Variants in EMCN observed in about 807,000 individuals in gnomAD.
EMCN encodes MUC-14.
A neutral mutation model predicts 38.4 loss-of-function variants in EMCN; 37 were observed. The observed-to-expected ratio is 0.96, with a 90% CI of 0.74 to 1.27. EMCN has a LOEUF of 1.27. Among genes scored for constraint, EMCN ranks in the 50% most tolerant of loss-of-function variants. EMCN has a pLI of 0.00. For synonymous variants in EMCN, 95 were observed against 100.8 expected (o/e 0.94, Z 0.35); for missense variants, 318 against 302.8 (o/e 1.05, Z -0.37).
At chr4:100,458,142 A>AT (rs1233751464) in intron 4 of EMCN, among the ~76,000 whole-genome samples, 2 of 151,666 alleles carry the variant, frequency 1.3e-5, no homozygotes, top group Non-Finnish European at 2.9e-5. Flanking sequence ...CCTTCTCTTT[A>AT]TTTTTTTATA....
intron 4 of EMCN, among the ~76,000 whole-genome samples, chr4:100,464,116 A>C (rs1038721401): frequency 3.2e-4 from 49 of 151,928 alleles, no homozygotes; most frequent in African/African-American, 1.1e-3. Flanking sequence ...TAAATCTTGC[A>C]CTTCTATTGT....
chr4:100,428,779 A>G (rs1727121504), intron 5 of EMCN, among the ~76,000 whole-genome samples: 1 of 152,200 alleles, frequency 6.6e-6, no homozygotes, highest in Non-Finnish European at 1.5e-5. Context: ...CAACAAAAAT[A>G]GAGACCTACT....
chr4:100,480,547 T>TATATAC, intron 1 of EMCN, among the ~76,000 whole-genome samples: 1 of 150,110 alleles, frequency 6.7e-6, no homozygotes, highest in South Asian at 2.1e-4. Flanking sequence ...AGAGTATACA[T>TATATAC]ATATACATAT....
chr4:100,488,377 C>G (rs767131140), intron 1 of EMCN, among the ~76,000 whole-genome samples: 57 of 152,164 alleles, frequency 3.7e-4, no homozygotes, highest in Non-Finnish European at 7.2e-4. Context: ...ACAAAGATAA[C>G]TACATTCATT....
intron 7 of EMCN, among the ~76,000 whole-genome samples, 161 bp downstream of exon 7, chr4:100,422,860 A>T (rs1276636752): frequency 2.7e-5 from 4 of 146,540 alleles, no homozygotes; most frequent in Non-Finnish European, 6.0e-5. Flanking sequence ...CACTTGTGGG[A>T]AATTTTCAGA....
chr4:100,517,812 T>C, intron 1 of EMCN, 39 bp downstream of exon 1: 1 of 1,600,202 alleles, frequency 6.2e-7, no homozygotes, highest in Non-Finnish European at 8.6e-7. Flanking sequence ...ACTAGTGATT[T>C]CCAATCCGTA....
intron 1 of EMCN, among the ~76,000 whole-genome samples, chr4:100,513,008 T>C (rs1443105460): frequency 1.3e-5 from 2 of 152,128 alleles, no homozygotes; most frequent in Admixed American, 6.6e-5. Context: ...AAGGAAAGGA[T>C]GGGCAGTTGT....
chr4:100,474,504 C>T (rs141769717), intron 3 of EMCN, among the ~76,000 whole-genome samples: 290 of 152,240 alleles, frequency 1.9e-3, no homozygotes, highest in African/African-American at 6.6e-3. Flanking sequence ...AAGACATATA[C>T]TTAAGAGAAA....
chr4:100,477,851 G>A (rs1161445468), intron 2 of EMCN, among the ~76,000 whole-genome samples: 1 of 152,046 alleles, frequency 6.6e-6, no homozygotes, highest in Non-Finnish European at 1.5e-5. Context: ...ATGGGACAGT[G>A]TATAAAACTC....
chr4:100,433,611 C>T (rs952280441), intron 5 of EMCN, among the ~76,000 whole-genome samples: 8 of 151,962 alleles, frequency 5.3e-5, no homozygotes, highest in Non-Finnish European at 1.0e-4. Context: ...TTTCGGCCCA[C>T]TGCAACCTCT....
At chr4:100,472,919 T>C (rs1343759284) in intron 3 of EMCN, among the ~76,000 whole-genome samples, 1 of 150,276 alleles carries the variant, frequency 6.7e-6, no homozygotes, top group Non-Finnish European at 1.5e-5. Context: ...GGTTATGTTT[T>C]ATAGATAGAT....
At chr4:100,422,342 A>G (rs770317874) in intron 7 of EMCN, among the ~76,000 whole-genome samples, 6 of 152,096 alleles carry the variant, frequency 3.9e-5, no homozygotes, top group Non-Finnish European at 8.8e-5. Flanking sequence ...AGTAATTTCT[A>G]TGATGACTTA....
At chr4:100,515,326 T>C (rs1411068254) in intron 1 of EMCN, among the ~76,000 whole-genome samples, 1 of 152,110 alleles carries the variant, frequency 6.6e-6, no homozygotes, top group Non-Finnish European at 1.5e-5. Flanking sequence ...TTAAATACAA[T>C]TTAGAAAACC....
intron 11 of EMCN, among the ~76,000 whole-genome samples, 195 bp from the exon 12 acceptor site, chr4:100,398,568 C>A (rs938734893): frequency 2.0e-5 from 3 of 152,054 alleles, no homozygotes; most frequent in African/African-American, 2.4e-5. Context: ...AAGAAAAGCT[C>A]GTTTTCTTTC....
chr4:100,411,952 T>TC lies in EMCN; in HGVS notation c.752-1598_752-1597insG, dbSNP rs142137547. Among the ~76,000 whole-genome samples the TC allele has an allele frequency of 5.3e-3, 795 of 150,862 alleles. 11 individuals are homozygous for TC. The highest frequency in any genetic ancestry group is 0.019 in the African/African-American group (756 of 40,406). On this transcript the variant is annotated intron_variant, in intron 10 of 11. Coordinates refer to ENST00000296420, the MANE Select transcript of EMCN (RefSeq NM_016242.4). ...GTTTTGTTCATTTTTACTCTGTGGT[T>TC]TTTTTTTGTTGTTAATGAACTTTTA...
chr4:100,403,833 G>A (rs113655533), intron 11 of EMCN, among the ~76,000 whole-genome samples: 12 of 151,890 alleles, frequency 7.9e-5, no homozygotes, highest in Non-Finnish European at 1.2e-4. Context: ...AGTGATATTA[G>A]GCACTTTTGC....
intron 3 of EMCN, among the ~76,000 whole-genome samples, 196 bp downstream of exon 3, chr4:100,474,841 GA>G (rs1441926338): frequency 1.3e-5 from 2 of 152,160 alleles, no homozygotes; most frequent in African/African-American, 2.4e-5. Context: ...CTGGGAGGGG[GA>G]TATGGGAAGT....
At chr4:100,511,867 C>T (rs1418488497) in intron 1 of EMCN, among the ~76,000 whole-genome samples, 3 of 149,250 alleles carry the variant, frequency 2.0e-5, no homozygotes, top group African/African-American at 7.7e-5. Flanking sequence ...GAGAAAAGGA[C>T]TAAAACAATG....
intron 8 of EMCN, among the ~76,000 whole-genome samples, chr4:100,420,072 T>A (rs1019214279): frequency 3.3e-5 from 5 of 152,078 alleles, no homozygotes; most frequent in Non-Finnish European, 7.4e-5. Context: ...TATTTAGAAT[T>A]AAAGTGGGGA....
Sources: allele counts gnomAD v4.1 joint callset (sites outside exome capture counted in the v4.1 genomes callset), GRCh38; gene constraint gnomAD v4.1.1; transcripts MANE v1.5; gene names NCBI Gene and HGNC (gene_info 2026-07-23, HGNC 2026-07-21).